The following FGF14 variants were observed in gnomAD, a reference collection of about 807,000 sequenced individuals.
The protein encoded by FGF14 is fibroblast growth factor homologous factor 4.
Under a neutral mutation model 25.5 loss-of-function variants are expected in FGF14, and 5 were observed. The observed-to-expected ratio is 0.20, with a 90% CI of 0.10 to 0.41. The LOEUF is 0.41. Ranked by LOEUF, FGF14 falls within the 10% of genes least tolerant of loss-of-function variation. The pLI, the probability that FGF14 is intolerant of heterozygous loss-of-function variation, is 1.00. For synonymous variants in FGF14, 138 were observed against 118.3 expected (o/e 1.17, Z -1.08); for missense variants, 222 against 320.1 (o/e 0.69, Z 2.34).
chr13:102,334,677 T>C (rs1382254731), intron 1 of FGF14, among the ~76,000 whole-genome samples: 1 of 152,184 alleles, frequency 6.6e-6, no homozygotes, highest in Non-Finnish European at 1.5e-5. Context: ...AATTCTAACT[T>C]CATGTTATAT....
chr13:102,141,962 G>A (rs1044139297), intron 1 of FGF14, among the ~76,000 whole-genome samples: 3 of 152,136 alleles, frequency 2.0e-5, no homozygotes, highest in Non-Finnish European at 2.9e-5. Context: ...ATACTTCACC[G>A]TGTACCATTT....
intron 3 of FGF14, among the ~76,000 whole-genome samples, chr13:101,732,579 C>A (rs2139724979): frequency 6.6e-6 from 1 of 152,280 alleles, no homozygotes; most frequent in East Asian, 1.9e-4. Flanking sequence ...GAGGCTTGAA[C>A]TTAAAGGAGG....
At chr13:102,123,101 G>A (rs1297907720) in intron 1 of FGF14, among the ~76,000 whole-genome samples, 3 of 152,126 alleles carry the variant, frequency 2.0e-5, no homozygotes, top group Non-Finnish European at 2.9e-5. Flanking sequence ...AAAGACAGAC[G>A]GATGGTAAGA....
intron 1 of FGF14, among the ~76,000 whole-genome samples, chr13:102,179,279 C>A (rs1020483758): frequency 1.3e-5 from 2 of 152,100 alleles, no homozygotes; most frequent in African/African-American, 2.4e-5. Context: ...TCTGCCTCTA[C>A]CACCACCTCA....
chr13:101,914,304 T>C (rs2033252496), intron 1 of FGF14, among the ~76,000 whole-genome samples: 1 of 151,642 alleles, frequency 6.6e-6, no homozygotes, highest in African/African-American at 2.4e-5. Flanking sequence ...AAATTAGTGA[T>C]ACTAATAAAT....
rs371149048 is a variant in FGF14 at position 101,915,921 on chromosome 13, C to T, written c.193+532G>A. Among the ~76,000 whole-genome samples, 4 of 152,308 alleles carry T rather than the reference C, an allele frequency of 2.6e-5. No homozygotes were observed. The South Asian group carries it at 8.3e-4, about 32-fold the overall frequency. ...GCGGACTGGGCCATAGTTCACACACCCTCCACTCCTTCTACAGCAGCTCCC... is the reference window on the plus strand; with the variant it reads ...GCGGACTGGGCCATAGTTCACACACTCTCCACTCCTTCTACAGCAGCTCCC... On this transcript the variant is annotated intron_variant, in intron 1 of 4. Transcript: ENST00000376143.
At chr13:101,723,733 T>G (rs1280632874) in intron 4 of FGF14, among the ~76,000 whole-genome samples, 1 of 152,084 alleles carries the variant, frequency 6.6e-6, no homozygotes, top group Non-Finnish European at 1.5e-5. Context: ...AAATAGTGTC[T>G]GGTGGCATAA....
At chr13:101,802,413 A>C (rs2040927495) in intron 3 of FGF14, 1 of 219,350 alleles carries the variant, frequency 4.6e-6, no homozygotes, top group South Asian at 7.4e-5. Flanking sequence ...TGAAGAAAAC[A>C]TGGAGGACAA....
intron 3 of FGF14, among the ~76,000 whole-genome samples, chr13:101,851,247 G>A (rs1442576774): frequency 2.6e-5 from 4 of 151,988 alleles, no homozygotes; most frequent in Non-Finnish European, 5.9e-5. Context: ...TGTGGGATCT[G>A]CCATGTGATC....
intron 3 of FGF14, among the ~76,000 whole-genome samples, chr13:101,733,193 G>A (rs902363490): frequency 1.3e-5 from 2 of 152,150 alleles, no homozygotes; most frequent in East Asian, 1.9e-4. Flanking sequence ...AAAGTTGTAT[G>A]TAGTCAAAAA....
chr13:102,073,374 C>T (rs1376289176), intron 1 of FGF14, among the ~76,000 whole-genome samples: 1 of 152,216 alleles, frequency 6.6e-6, no homozygotes, highest in Admixed American at 6.5e-5. Context: ...ATGCAGCAGG[C>T]AGCAGGCCAC....
intron 3 of FGF14, among the ~76,000 whole-genome samples, chr13:101,810,526 T>C (rs2041446479): frequency 6.6e-6 from 1 of 152,190 alleles, no homozygotes; most frequent in African/African-American, 2.4e-5. Flanking sequence ...CTACATGTCA[T>C]GCTTCTTAGA....
intron 2 of FGF14, among the ~76,000 whole-genome samples, chr13:101,871,906 G>C (rs1030155790): frequency 6.6e-6 from 1 of 150,770 alleles, no homozygotes; most frequent in African/African-American, 2.4e-5. Flanking sequence ...CAATTTTTGT[G>C]CTACTTTTCC....
intron 1 of FGF14, among the ~76,000 whole-genome samples, chr13:102,021,008 G>A (rs1230866245): frequency 6.6e-6 from 1 of 151,890 alleles, no homozygotes; most frequent in Non-Finnish European, 1.5e-5. Flanking sequence ...CAGAGTACAA[G>A]GTATTTGATT....
intron 1 of FGF14, among the ~76,000 whole-genome samples, chr13:102,241,096 C>T (rs554022244): frequency 1.3e-5 from 2 of 152,086 alleles, no homozygotes; most frequent in South Asian, 2.1e-4. Flanking sequence ...TAAAAGAATT[C>T]GAGTCTTTAT....
chr13:101,809,604 C>T (rs1179640963), intron 3 of FGF14, among the ~76,000 whole-genome samples: 1 of 152,096 alleles, frequency 6.6e-6, no homozygotes, highest in Non-Finnish European at 1.5e-5. Flanking sequence ...CAACAACAAG[C>T]TCATCACATT....
intron 3 of FGF14, among the ~76,000 whole-genome samples, chr13:101,742,540 A>C (rs1594095846): frequency 1.3e-5 from 2 of 152,316 alleles, no homozygotes; most frequent in South Asian, 4.1e-4. Context: ...ACTGTCTTGG[A>C]AACATCACTT....
intron 3 of FGF14, among the ~76,000 whole-genome samples, chr13:101,824,058 T>C (rs189783299): frequency 1.7e-3 from 259 of 152,246 alleles, no homozygotes; most frequent in Admixed American, 6.1e-3. Context: ...AGTGAGTTGC[T>C]AGTGAAGAAT....
intron 1 of FGF14, among the ~76,000 whole-genome samples, chr13:102,239,645 A>G (rs910490835): frequency 6.6e-6 from 1 of 152,202 alleles, no homozygotes; most frequent in Non-Finnish European, 1.5e-5. Flanking sequence ...CCCCTAACCA[A>G]AAGTGGTCCC....
Sources: gnomAD v4.1 joint callset for allele counts (sites outside exome capture counted in the v4.1 genomes callset) on GRCh38, gnomAD v4.1.1 for gene constraint, MANE v1.5 for transcripts, NCBI Gene and HGNC (gene_info 2026-07-23, HGNC 2026-07-21) for gene names.